The following OSBP2 variants were observed in gnomAD, a reference collection of about 807,000 sequenced individuals.
The protein encoded by OSBP2 is oxysterol binding protein 2, also known as oxysterol-binding protein 2.
In OSBP2, 66 loss-of-function variants were observed where a neutral mutation model predicts 96.0. The ratio of observed to expected loss-of-function variants is 0.69; its 90% CI spans 0.56 to 0.84. The LOEUF (loss-of-function observed/expected upper bound fraction) is 0.84, where lower values mean the gene tolerates loss of function less well. OSBP2 is among the 40% of genes least tolerant of loss of function. OSBP2 has a pLI of 0.00. For missense variants in OSBP2, 1,038 were observed against 1,222.7 expected, an observed-to-expected ratio of 0.85 and a Z score of 2.25; for synonymous variants, 525 against 520.9, an observed-to-expected ratio of 1.01 and a Z score of -0.11.
At chr22:30,846,820 T>G (rs2038880943) in intron 2 of OSBP2, among the ~76,000 whole-genome samples, 1 of 152,224 alleles carries the variant, frequency 6.6e-6, no homozygotes, top group Admixed American at 6.5e-5. Flanking sequence ...GTTATACTTT[T>G]TATGTATTGC....
intron 1 of OSBP2, among the ~76,000 whole-genome samples, chr22:30,717,771 C>G (rs1326959283): frequency 3.3e-5 from 5 of 152,150 alleles, no homozygotes; most frequent in Admixed American, 6.6e-5. Flanking sequence ...CAGGACTGGC[C>G]TCATCTCTGC....
intron 2 of OSBP2, chr22:30,822,589 C>A (rs1427009513): frequency 6.6e-7 from 1 of 1,521,726 alleles, no homozygotes. Flanking sequence ...GACCCGGCGC[C>A]ATGTAGCGCC....
At chr22:30,740,919 G>A (rs764344287) in intron 1 of OSBP2, among the ~76,000 whole-genome samples, 9 of 152,142 alleles carry the variant, frequency 5.9e-5, no homozygotes, top group Non-Finnish European at 1.3e-4. Context: ...CCCTGCACAC[G>A]TGGCACCAAT....
intron 2 of OSBP2, among the ~76,000 whole-genome samples, chr22:30,848,834 A>C (rs974711531): frequency 5.3e-5 from 8 of 152,210 alleles, no homozygotes; most frequent in African/African-American, 1.9e-4. Context: ...GAATAGTTTC[A>C]GTTTGGGGCT....
In OSBP2 at chr22:30,871,814, C is replaced by G. The variant is rs931081664; in HGVS notation, c.1107+1132C>G. ...GAGCCCAGGCTAAAACCTGGGCATC[C>G]AAGACCTGCCCCAAGCCGGCTTCAC... On this transcript the variant is annotated intron_variant, in intron 3 of 13. Coordinates refer to ENST00000332585, the MANE Select transcript of OSBP2 (RefSeq NM_030758.4). This position sits in a 1 kb window ranked among gnomAD's most constrained non-coding sequence, Gnocchi z 4.7. 3.3e-5 allele frequency among the ~76,000 whole-genome samples: 5 copies of G among 152,242 alleles called. No homozygotes were observed. Among genetic ancestry groups the G allele is most frequent in the Non-Finnish European group, 7.3e-5 (5 of 68,042 alleles).
intron 3 of OSBP2, among the ~76,000 whole-genome samples, chr22:30,882,107 A>G (rs1002500973): frequency 3.3e-5 from 5 of 152,154 alleles, no homozygotes; most frequent in Admixed American, 3.3e-4. Context: ...ACTCACGGCC[A>G]GTGTATCAGC....
At chr22:30,771,061 G>A (rs564297282) in intron 2 of OSBP2, among the ~76,000 whole-genome samples, 2 of 152,340 alleles carry the variant, frequency 1.3e-5, no homozygotes, top group South Asian at 4.1e-4. Context: ...AGTATATATA[G>A]CGAGGAAGCC....
At chr22:30,804,372 G>A (rs893046695) in intron 2 of OSBP2, among the ~76,000 whole-genome samples, 5 of 152,194 alleles carry the variant, frequency 3.3e-5, no homozygotes, top group African/African-American at 1.2e-4. Context: ...TCTGTGTTTT[G>A]TTCCGTCTAT....
chr22:30,875,564 G>T (rs1385642936), intron 3 of OSBP2, among the ~76,000 whole-genome samples: 1 of 152,038 alleles, frequency 6.6e-6, no homozygotes, highest in Non-Finnish European at 1.5e-5. Context: ...TAGAGAAGAC[G>T]TTTCTCCATG....
chr22:30,862,129 T>G (rs182409417), intron 2 of OSBP2, among the ~76,000 whole-genome samples: 39 of 152,334 alleles, frequency 2.6e-4, no homozygotes, highest in African/African-American at 9.4e-4. Flanking sequence ...GCCGAAGACC[T>G]CGCAGACTCT....
intron 2 of OSBP2, among the ~76,000 whole-genome samples, chr22:30,839,721 C>T (rs1215067252): frequency 6.6e-6 from 1 of 151,326 alleles, no homozygotes; most frequent in African/African-American, 2.4e-5. Flanking sequence ...TGTTTGAGTT[C>T]ATTGTAGATT....
intron 2 of OSBP2, among the ~76,000 whole-genome samples, chr22:30,836,682 G>C (rs980867091): frequency 8.5e-5 from 13 of 152,204 alleles, no homozygotes; most frequent in African/African-American, 3.1e-4. Context: ...GCGTGGTTCA[G>C]TGAAGAGCTG....
At chr22:30,744,546 C>CT (rs1383970303) in intron 2 of OSBP2, among the ~76,000 whole-genome samples, 2 of 152,076 alleles carry the variant, frequency 1.3e-5, no homozygotes, top group African/African-American at 4.8e-5. Context: ...ATCTGGATGT[C>CT]TATCAGGAGT....
intron 1 of OSBP2, among the ~76,000 whole-genome samples, chr22:30,714,772 A>G (rs937373007): frequency 6.6e-6 from 1 of 152,012 alleles, no homozygotes; most frequent in Non-Finnish European, 1.5e-5. Context: ...GCCCACCACC[A>G]TGCCTGGCTA....
At chr22:30,751,423 C>T (rs375054093) in intron 2 of OSBP2, among the ~76,000 whole-genome samples, 2 of 152,090 alleles carry the variant, frequency 1.3e-5, no homozygotes, top group Admixed American at 6.5e-5. Context: ...GGCGTGATCT[C>T]GGCTCACTGC....
chr22:30,763,591 A>T (rs1447068749), intron 2 of OSBP2, among the ~76,000 whole-genome samples: 2 of 149,640 alleles, frequency 1.3e-5, no homozygotes, highest in Non-Finnish European at 3.0e-5. Context: ...GGTTGCAGTG[A>T]GCCGAGATTG....
At chr22:30,748,244 C>T (rs1036688836) in intron 2 of OSBP2, among the ~76,000 whole-genome samples, 2 of 150,752 alleles carry the variant, frequency 1.3e-5, no homozygotes, top group Admixed American at 6.6e-5. Flanking sequence ...TGCAGTGGCG[C>T]GATCTTGGCT....
At chr22:30,742,965 G>A (rs184193062) in intron 2 of OSBP2, among the ~76,000 whole-genome samples, 22 of 152,280 alleles carry the variant, frequency 1.4e-4, no homozygotes, top group African/African-American at 5.1e-4. Flanking sequence ...AGTGTGTGAG[G>A]ACACACACCT....
chr22:30,846,859 G>A (rs1410383618), intron 2 of OSBP2, among the ~76,000 whole-genome samples: 1 of 151,788 alleles, frequency 6.6e-6, no homozygotes, highest in Non-Finnish European at 1.5e-5. Flanking sequence ...ACTTTTCTGA[G>A]TATTTTTGTG....
Sources: gnomAD v4.1 joint callset for allele counts (sites outside exome capture counted in the v4.1 genomes callset) on GRCh38, gnomAD v4.1.1 for gene constraint, Gnocchi (gnomAD v3.1) non-coding constraint, MANE v1.5 for transcripts, NCBI Gene and HGNC (gene_info 2026-07-23, HGNC 2026-07-21) for gene names.